PRKCQ: variants seen among roughly 807,000 people sequenced by gnomAD.
The protein encoded by PRKCQ is protein kinase C theta, also known as protein kinase C theta type.
Under a neutral mutation model 91.2 loss-of-function variants are expected in PRKCQ, and 41 were observed. The ratio of observed to expected loss-of-function variants is 0.45; its 90% CI spans 0.35 to 0.58. PRKCQ has a LOEUF of 0.58. Among genes scored for constraint, PRKCQ ranks in the 20% least tolerant of loss-of-function variants. The probability of loss-of-function intolerance (pLI) is 0.00; values close to 1 mark genes in which losing one functional copy is unlikely to be tolerated. For synonymous variants in PRKCQ, 307 were observed against 316.9 expected, an observed-to-expected ratio of 0.97 and a Z score of 0.33; for missense variants, 673 against 896.5, an observed-to-expected ratio of 0.75 and a Z score of 3.18.
intron 16 of PRKCQ, among the ~76,000 whole-genome samples, chr10:6,438,670 A>G (rs868487965): frequency 2.6e-5 from 4 of 151,910 alleles, no homozygotes; most frequent in Admixed American, 6.6e-5. Context: ...ATCATGGCTC[A>G]TTGTAACCTC....
intron 1 of PRKCQ, among the ~76,000 whole-genome samples, chr10:6,541,839 G>A (rs901650635): frequency 6.6e-6 from 1 of 151,864 alleles, no homozygotes; most frequent in South Asian, 2.1e-4. Context: ...AAGCCTCCTC[G>A]TTTCCATATG....
intron 1 of PRKCQ, among the ~76,000 whole-genome samples, chr10:6,574,553 C>G (rs964902552): frequency 6.6e-6 from 1 of 152,220 alleles, no homozygotes; most frequent in Non-Finnish European, 1.5e-5. Flanking sequence ...GCACAGCTGA[C>G]TCCTCCAGCT....
At chr10:6,477,020 T>A (rs1051605403) in intron 12 of PRKCQ, among the ~76,000 whole-genome samples, 2 of 152,212 alleles carry the variant, frequency 1.3e-5, no homozygotes, top group African/African-American at 2.4e-5. Flanking sequence ...GCCTTCATCA[T>A]GGGAAGTTCC....
chr10:6,573,267 C>T lies in PRKCQ; in HGVS notation c.-10+6944G>A, dbSNP rs12242164. ...CTAAAACATATCAGTGAAAACAGAA[C>T]GGAAAATGTTGAAGCTTATGCCCTA... is the stretch of plus-strand genomic sequence containing the variant. On this transcript the variant is annotated intron_variant, in intron 1 of 17. Coordinates refer to ENST00000263125, the MANE Select transcript of PRKCQ (RefSeq NM_006257.5). 5.3e-4 allele frequency among the ~76,000 whole-genome samples: 80 copies of T among 152,274 alleles called. 1 individual carries two copies. Among genetic ancestry groups the T allele is most frequent in the African/African-American group, 1.9e-3 (79 of 41,532 alleles).
chr10:6,568,360 A>G (rs914365456), intron 1 of PRKCQ, among the ~76,000 whole-genome samples: 4 of 151,632 alleles, frequency 2.6e-5, no homozygotes, highest in African/African-American at 9.7e-5. Context: ...ATCCTTTACT[A>G]TTTTTTCTTT....
chr10:6,466,520 C>T (rs1378648502), intron 12 of PRKCQ, among the ~76,000 whole-genome samples: 2 of 152,206 alleles, frequency 1.3e-5, no homozygotes, highest in Non-Finnish European at 1.5e-5. Context: ...AAGAGAACTG[C>T]AGGCTCCACA....
chr10:6,414,133 G>A, the PRKCQ span, among the ~76,000 whole-genome samples: 1 of 152,212 alleles, frequency 6.6e-6, no homozygotes, highest in Non-Finnish European at 1.5e-5. Context: ...GGTTCCCTGA[G>A]TCATGTAGGT....
chr10:6,545,909 G>A (rs142045664), intron 1 of PRKCQ, among the ~76,000 whole-genome samples: 1,592 of 152,006 alleles, frequency 0.01, 26 homozygotes, highest in African/African-American at 0.037. Flanking sequence ...AGGCTGAGGC[G>A]GGGAGAATCG....
intron 14 of PRKCQ, among the ~76,000 whole-genome samples, chr10:6,461,169 CCATTCAT>C (rs1835326975): frequency 1.3e-5 from 2 of 151,812 alleles, no homozygotes; most frequent in Non-Finnish European, 2.9e-5. Flanking sequence ...ATCTGTTCAT[CCATTCAT>C]CATTCATCCA....
At chr10:6,505,065 T>C (rs899919953) in intron 4 of PRKCQ, among the ~76,000 whole-genome samples, 5 of 152,062 alleles carry the variant, frequency 3.3e-5, no homozygotes, top group Admixed American at 3.3e-4. Flanking sequence ...GGCTAATTTT[T>C]TGTATTTTTA....
At chr10:6,534,348 C>T (rs1039108582) in intron 1 of PRKCQ, among the ~76,000 whole-genome samples, 1 of 152,278 alleles carries the variant, frequency 6.6e-6, no homozygotes, top group African/African-American at 2.4e-5. Flanking sequence ...TGACATGAAG[C>T]TCTTTACAGT....
chr10:6,431,643 C>G (rs1250756624), intron 16 of PRKCQ, among the ~76,000 whole-genome samples: 1 of 152,202 alleles, frequency 6.6e-6, no homozygotes, highest in Non-Finnish European at 1.5e-5. Flanking sequence ...GTCATTTGAT[C>G]AATTATCCAT....
chr10:6,498,553 T>C lies in PRKCQ; in HGVS notation c.385A>G (p.Lys129Glu). 1 of 1,613,936 alleles carries C rather than the reference T, an allele frequency of 6.2e-7. No homozygotes were observed. The highest frequency in any genetic ancestry group is 8.5e-7 in the Non-Finnish European group (1 of 1,179,936). Residue 129 changes from lysine to glutamate, a missense_variant, in exon 5 of 18, where the codon AAG becomes GAG. By Grantham distance (56) the Lys-to-Glu change is moderately conservative. Coordinates refer to ENST00000263125, the MANE Select transcript of PRKCQ (RefSeq NM_006257.5). ...TCCGTCTCAAATTCATTCATGTCCT[T>C]TGTGTCTACAGGAAGAGAGAGGGGA... ...ARYFLEMSDT[K>E]DMNEFETEGF...
chr10:6,396,130 T>C, the PRKCQ span, among the ~76,000 whole-genome samples: 1 of 152,156 alleles, frequency 6.6e-6, no homozygotes, highest in Non-Finnish European at 1.5e-5. Flanking sequence ...CATAGTTAAA[T>C]AGATAATAAA....
intron 1 of PRKCQ, among the ~76,000 whole-genome samples, chr10:6,527,391 C>A (rs1359308482): frequency 6.6e-6 from 1 of 152,080 alleles, no homozygotes. Context: ...GTTATGAGGA[C>A]AACAGCACCC....
chr10:6,559,942 G>A (rs1840562543), intron 1 of PRKCQ, among the ~76,000 whole-genome samples: 2 of 152,154 alleles, frequency 1.3e-5, no homozygotes, highest in African/African-American at 4.8e-5. Context: ...TGAGGTGCCT[G>A]ACTTTACCTT....
intron 1 of PRKCQ, among the ~76,000 whole-genome samples, chr10:6,568,372 T>C (rs905766801): frequency 6.6e-6 from 1 of 152,238 alleles, no homozygotes; most frequent in African/African-American, 2.4e-5. Flanking sequence ...TTTTTCTTTA[T>C]TAAAATCACT....
the PRKCQ span, among the ~76,000 whole-genome samples, chr10:6,402,093 CAAG>C: frequency 6.6e-6 from 1 of 152,044 alleles, no homozygotes. Context: ...CAAACTAACA[CAAG>C]AACAGAAAAC....
At chr10:6,566,646 C>A (rs549311858) in intron 1 of PRKCQ, among the ~76,000 whole-genome samples, 1 of 152,100 alleles carries the variant, frequency 6.6e-6, no homozygotes, top group Non-Finnish European at 1.5e-5. Flanking sequence ...CAAGGGACAA[C>A]CTCATGGGTT....
Sources: allele counts gnomAD v4.1 joint callset (sites outside exome capture counted in the v4.1 genomes callset), GRCh38; gene constraint gnomAD v4.1.1; transcripts MANE v1.5; gene names NCBI Gene and HGNC (gene_info 2026-07-23, HGNC 2026-07-21).